Variants in MS4A6E observed in about 807,000 individuals in gnomAD.
MS4A6E encodes the protein membrane-spanning 4-domains subfamily A member 6E.
A neutral mutation model predicts 13.2 loss-of-function variants in MS4A6E; 8 were observed. The observed-to-expected ratio is 0.60, with a 90% CI of 0.35 to 1.09. The LOEUF (loss-of-function observed/expected upper bound fraction) is 1.09, where lower values mean the gene tolerates loss of function less well. MS4A6E is among the 50% of genes least tolerant of loss of function. MS4A6E has a pLI of 0.02. For synonymous variants in MS4A6E, 72 were observed against 67.6 expected (o/e 1.06, Z -0.32); for missense variants, 177 against 171.1 (o/e 1.03, Z -0.19).
At chr11:60,338,072 GT>G in intron 3 of MS4A6E, 125 bp downstream of exon 3, 1 of 889,436 alleles carries the variant, frequency 1.1e-6, no homozygotes, top group Non-Finnish European at 1.7e-6. Flanking sequence ...GAAGGCCAAG[GT>G]TATGTAAATC....
At chr11:60,338,347 T>C (rs1188921453) in intron 3 of MS4A6E, among the ~76,000 whole-genome samples, 1 of 152,036 alleles carries the variant, frequency 6.6e-6, no homozygotes, top group African/African-American at 2.4e-5. Flanking sequence ...GGTATGTGTG[T>C]GTGGTAGGGG....
chr11:60,336,169 C>A (rs2085187468), intron 2 of MS4A6E, among the ~76,000 whole-genome samples: 1 of 152,084 alleles, frequency 6.6e-6, no homozygotes, highest in African/African-American at 2.4e-5. Context: ...CTGTGCTGTG[C>A]AATGTAACTG....
intron 1 of MS4A6E, among the ~76,000 whole-genome samples, chr11:60,329,782 A>C (rs1434664953): frequency 6.7e-6 from 1 of 149,874 alleles, no homozygotes; most frequent in East Asian, 1.9e-4. Context: ...TAGCCATATA[A>C]ATTTCTTCTT....
In MS4A6E at chr11:60,339,869, A is replaced by T. The variant is rs750504463; in HGVS notation, c.358A>T (p.Thr120Ser). Residue 120 changes from threonine to serine, a missense_variant, in exon 4 of 5, where the codon ACT (threonine) becomes TCT (serine). Transcript: ENST00000684409. ...TATTTTATTTCTTGACTTTCAGGGA[A>T]CTCTGTCTCTGATGCTGGTTTCTAC... ...CHRAKASLAGTLSLMLVSTVL... is the reference protein window; with the variant it reads ...CHRAKASLAGSLSLMLVSTVL... 44 of 1,612,946 alleles carry T rather than the reference A, an allele frequency of 2.7e-5. No homozygotes were observed. The highest frequency in any genetic ancestry group is 3.6e-5 in the Non-Finnish European group (43 of 1,179,188).
chr11:60,332,191 T>C (rs2135056009), intron 1 of MS4A6E, among the ~76,000 whole-genome samples: 1 of 152,372 alleles, frequency 6.6e-6, no homozygotes, highest in East Asian at 1.9e-4. Flanking sequence ...ATATTTTCAC[T>C]GAATGGTGTT....
chr11:60,341,432 T>C (rs564330455), downstream of MS4A6E, among the ~76,000 whole-genome samples: 1 of 152,180 alleles, frequency 6.6e-6, no homozygotes, highest in African/African-American at 2.4e-5. Flanking sequence ...AATTTTCTCC[T>C]CACCAATATT....
rs1337068049 is a variant in MS4A6E at position 60,340,993 on chromosome 11, T to C, written c.*227T>C. 2 of 152,278 alleles carry C rather than the reference T, an allele frequency of 1.3e-5. No individual in the cohort carries two copies. The highest frequency in any genetic ancestry group is 2.9e-5 in the Non-Finnish European group (2 of 68,042). The allele number at this position is 152,278 out of a possible 1,614,324, so 9.4% of individuals were successfully genotyped here. ...ATTTCGCTGTCATTTATGATATGTG[T>C]TCATTGGGGATCTCTTGGTTTGCCT... On this transcript the variant is annotated 3_prime_UTR_variant, in exon 5 of 5. Coordinates refer to ENST00000684409, the MANE Select transcript of MS4A6E (RefSeq NM_139249.4).
At chr11:60,337,267 C>T (rs2085193542) in intron 2 of MS4A6E, among the ~76,000 whole-genome samples, 1 of 152,116 alleles carries the variant, frequency 6.6e-6, no homozygotes, top group African/African-American at 2.4e-5. Flanking sequence ...GCGGTTTTGC[C>T]ATTGAAAGTA....
chr11:60,329,696 G>A (rs1385249446), intron 1 of MS4A6E, among the ~76,000 whole-genome samples: 1 of 152,156 alleles, frequency 6.6e-6, no homozygotes, highest in African/African-American at 2.4e-5. Context: ...TAATTGGCAT[G>A]AGATGGTATC....
chr11:60,334,386 C>T (rs1038714160), intron 1 of MS4A6E, among the ~76,000 whole-genome samples: 6 of 152,132 alleles, frequency 3.9e-5, no homozygotes, highest in Non-Finnish European at 7.4e-5. Flanking sequence ...TCTGTAATGA[C>T]TGGAGGAGGT....
chr11:60,346,394 G>A (rs1470234088), intron 4 of MS4A6E, among the ~76,000 whole-genome samples: 1 of 152,164 alleles, frequency 6.6e-6, no homozygotes, highest in Non-Finnish European at 1.5e-5. Context: ...TGCTCAGGAG[G>A]TTCTCCAAGG....
At chr11:60,337,242 G>T (rs2085193425) in intron 2 of MS4A6E, among the ~76,000 whole-genome samples, 1 of 152,140 alleles carries the variant, frequency 6.6e-6, no homozygotes, top group South Asian at 2.1e-4. Flanking sequence ...CTATTAGGTT[G>T]GTGCAAAGGT....
At chr11:60,327,518 A>G (rs2085127344) in intron 1 of MS4A6E, among the ~76,000 whole-genome samples, 110 bp downstream of exon 1, 1 of 152,216 alleles carries the variant, frequency 6.6e-6, no homozygotes, top group African/African-American at 2.4e-5. Flanking sequence ...GTACTGCTGT[A>G]TCGAACACCT....
chr11:60,330,995 T>C (rs888932824), intron 1 of MS4A6E, among the ~76,000 whole-genome samples: 1 of 152,200 alleles, frequency 6.6e-6, no homozygotes, highest in Non-Finnish European at 1.5e-5. Context: ...TTGGTACCAG[T>C]ACCATGCTGT....
chr11:60,339,791 A>T, intron 3 of MS4A6E, 75 bp from the exon 4 acceptor site: 1 of 1,290,900 alleles, frequency 7.7e-7, no homozygotes, highest in Non-Finnish European at 1.1e-6. Context: ...CTTCATCTCT[A>T]TGGTCACCTC....
At position 60,339,947 on chromosome 11, in the gene MS4A6E, A is replaced by G. The variant is rs977526898; in HGVS notation, c.436A>G (p.Thr146Ala). 6.8e-6 allele frequency: 11 copies of G among 1,613,524 alleles called. No individual in the cohort carries two copies. Among genetic ancestry groups the G allele is most frequent in the Non-Finnish European group, 8.5e-6 (10 of 1,179,694 alleles). Residue 146 changes from threonine (T) to alanine (A), a missense_variant, in exon 4 of 5, where the codon ACT becomes GCT. Thr to Ala is a moderately conservative substitution (Grantham distance 58). Coordinates refer to ENST00000684409, the MANE Select transcript of MS4A6E (RefSeq NM_139249.4). ...CACTGCTGTGCTGCAGTGGAAACAG[A>G]CTGTCTGACTTCCCTGGGTGAGTGT... is the stretch of plus-strand genomic sequence containing the variant. Reference protein sequence around the residue: ...VLTAVLQWKQTV With the variant: ...VLTAVLQWKQAV
At chr11:60,343,338 AC>A (rs1406803104), downstream of MS4A6E, among the ~76,000 whole-genome samples, 2 of 152,086 alleles carry the variant, frequency 1.3e-5, no homozygotes, top group African/African-American at 2.4e-5. Flanking sequence ...TATAAAAGGA[AC>A]CTTTTTTTTG....
chr11:60,338,400 CAG>C (rs2085202943), intron 3 of MS4A6E: 1 of 168,754 alleles, frequency 5.9e-6, no homozygotes, highest in Non-Finnish European at 1.3e-5. Context: ...GATGAAGAAA[CAG>C]AGAATAGGAA....
chr11:60,328,903 G>A (rs2085136311), intron 1 of MS4A6E, among the ~76,000 whole-genome samples: 2 of 152,122 alleles, frequency 1.3e-5, no homozygotes, highest in African/African-American at 2.4e-5. Flanking sequence ...ATTGTATTTG[G>A]CATTTTTGCT....
Sources: gnomAD v4.1 joint callset for allele counts (sites outside exome capture counted in the v4.1 genomes callset) on GRCh38, gnomAD v4.1.1 for gene constraint, MANE v1.5 for transcripts, NCBI Gene and HGNC (gene_info 2026-07-23, HGNC 2026-07-21) for gene names.